Variants in NRP1 observed in about 807,000 individuals in gnomAD.
NRP1 encodes neuropilin-1.
A neutral mutation model predicts 106.7 loss-of-function variants in NRP1; 35 were observed. The ratio of observed to expected loss-of-function variants is 0.33; its 90% CI spans 0.25 to 0.43. The LOEUF (loss-of-function observed/expected upper bound fraction) is 0.43. Ranked by LOEUF, NRP1 falls within the 20% of genes least tolerant of loss-of-function variation. NRP1 has a pLI of 1.00. For missense variants in NRP1, 1,024 were observed against 1,170.4 expected (o/e 0.87, Z 1.83); for synonymous variants, 437 against 417.9 (o/e 1.05, Z -0.56).
At chr10:33,280,250 T>C (rs1341425409) in intron 2 of NRP1, among the ~76,000 whole-genome samples, 1 of 152,228 alleles carries the variant, frequency 6.6e-6, no homozygotes, top group Non-Finnish European at 1.5e-5. Context: ...AAAATATTTC[T>C]CTGATTTAGC....
chr10:33,284,358 T>A (rs796191429), intron 2 of NRP1, among the ~76,000 whole-genome samples: 22 of 152,214 alleles, frequency 1.4e-4, no homozygotes, highest in African/African-American at 5.1e-4. Context: ...AGAGGATTGA[T>A]AGTGTAGATA....
chr10:33,235,262 G>A (rs1840466911), intron 6 of NRP1, among the ~76,000 whole-genome samples: 1 of 152,202 alleles, frequency 6.6e-6, no homozygotes, highest in South Asian at 2.1e-4. Context: ...AAAGGGACTC[G>A]ATGCAGCAGG....
intron 2 of NRP1, among the ~76,000 whole-genome samples, chr10:33,286,591 AG>A: frequency 6.6e-6 from 1 of 152,298 alleles, no homozygotes; most frequent in South Asian, 2.1e-4. Flanking sequence ...AGCACCAGAG[AG>A]CCAAAGAAAT....
At chr10:33,253,319 G>A (rs767994389) in intron 6 of NRP1, among the ~76,000 whole-genome samples, 2 of 152,088 alleles carry the variant, frequency 1.3e-5, no homozygotes, top group Admixed American at 6.6e-5. Context: ...TGGGGTCAGC[G>A]GTGGGGATGT....
intron 13 of NRP1, 63 bp from the exon 14 acceptor site, chr10:33,186,551 C>T (rs1443265872): frequency 4.6e-6 from 7 of 1,529,416 alleles, no homozygotes; most frequent in Non-Finnish European, 6.2e-6. Flanking sequence ...TATCTCTCTT[C>T]TTTCAAGTCT....
chr10:33,304,826 C>A (rs1846035592), intron 2 of NRP1, among the ~76,000 whole-genome samples: 1 of 152,212 alleles, frequency 6.6e-6, no homozygotes, highest in Admixed American at 6.6e-5. Context: ...GGAAGGGGAG[C>A]TCGCTGCTTT....
At chr10:33,236,800 T>C (rs1280196649) in intron 6 of NRP1, among the ~76,000 whole-genome samples, 1 of 152,204 alleles carries the variant, frequency 6.6e-6, no homozygotes, top group Non-Finnish European at 1.5e-5. Context: ...GATAAAGTAT[T>C]GCTGACGATT....
At chr10:33,326,945 A>C (rs568188922) in intron 2 of NRP1, among the ~76,000 whole-genome samples, 1 of 152,300 alleles carries the variant, frequency 6.6e-6, no homozygotes, top group Admixed American at 6.5e-5. Flanking sequence ...ACATAAAACA[A>C]TAAAAATCTA....
chr10:33,304,641 T>A (rs1158966535), intron 2 of NRP1, among the ~76,000 whole-genome samples: 1 of 152,182 alleles, frequency 6.6e-6, no homozygotes, highest in Non-Finnish European at 1.5e-5. Context: ...CCTTATGTTC[T>A]CTGGGGGATG....
At chr10:33,256,554 C>T (rs1323207021) in intron 4 of NRP1, 83 bp from the exon 5 acceptor site, 1 of 1,431,524 alleles carries the variant, frequency 7.0e-7, no homozygotes, top group Non-Finnish European at 9.7e-7. Flanking sequence ...AAAGATGGGC[C>T]CCAGTAGAAC....
intron 6 of NRP1, among the ~76,000 whole-genome samples, chr10:33,247,533 G>A (rs1463172196): frequency 6.6e-6 from 1 of 152,208 alleles, no homozygotes; most frequent in Non-Finnish European, 1.5e-5. Flanking sequence ...TGGGGCCGAG[G>A]GTGGCAAACC....
At chr10:33,196,104 G>A (rs1246209278) in intron 12 of NRP1, among the ~76,000 whole-genome samples, 1 of 152,082 alleles carries the variant, frequency 6.6e-6, no homozygotes, top group Non-Finnish European at 1.5e-5. Flanking sequence ...AACATTCAGG[G>A]AAGATTACCT....
chr10:33,317,457 T>C (rs1400365929), intron 2 of NRP1, among the ~76,000 whole-genome samples: 2 of 152,206 alleles, frequency 1.3e-5, no homozygotes, highest in Non-Finnish European at 2.9e-5. Context: ...GACCATCAGT[T>C]TAAAAACATT....
At chr10:33,200,018 T>A (rs1199304114) in intron 11 of NRP1, among the ~76,000 whole-genome samples, 2 of 152,144 alleles carry the variant, frequency 1.3e-5, no homozygotes, top group Non-Finnish European at 2.9e-5. Flanking sequence ...GGATGAGTGG[T>A]CACATGTGTG....
intron 1 of NRP1, among the ~76,000 whole-genome samples, chr10:33,333,772 T>C (rs546736454): frequency 6.6e-5 from 10 of 152,334 alleles, no homozygotes; most frequent in South Asian, 2.1e-4. Context: ...GATTCCTGTA[T>C]TGATACTATG....
intron 14 of NRP1, 114 bp downstream of exon 14, chr10:33,186,103 A>G (rs984297624): frequency 1.0e-4 from 135 of 1,341,318 alleles, no homozygotes; most frequent in Non-Finnish European, 1.3e-4. Context: ...CAGGGTTGGG[A>G]AACACTGGAA....
chr10:33,307,139 G>A (rs1257472689), intron 2 of NRP1, among the ~76,000 whole-genome samples: 1 of 152,168 alleles, frequency 6.6e-6, no homozygotes, highest in Non-Finnish European at 1.5e-5. Context: ...TGATCCCATA[G>A]GCTCAAATCT....
At chr10:33,212,676 A>T in intron 9 of NRP1, 1 of 149,918 alleles carries the variant, frequency 6.7e-6, no homozygotes, top group Non-Finnish European at 1.5e-5. Flanking sequence ...ATCACAATTA[A>T]TTTTTTTTTT....
chr10:33,289,067 G>T (rs1588928145), intron 2 of NRP1, among the ~76,000 whole-genome samples: 1 of 152,072 alleles, frequency 6.6e-6, no homozygotes, highest in African/African-American at 2.4e-5. Flanking sequence ...GCATAGCCCA[G>T]GTAGTCAAAC....
Sources: gnomAD v4.1 joint callset for allele counts (sites outside exome capture counted in the v4.1 genomes callset) on GRCh38, gnomAD v4.1.1 for gene constraint, MANE v1.5 for transcripts, NCBI Gene and HGNC (gene_info 2026-07-23, HGNC 2026-07-21) for gene names.